The following TLK1 variants were observed in gnomAD, a reference collection of about 807,000 sequenced individuals.
TLK1 encodes the protein tousled like kinase 1, also known as serine/threonine-protein kinase tousled-like 1.
Under a neutral mutation model 105.3 loss-of-function variants are expected in TLK1, and 24 were observed. That is an observed-to-expected ratio of 0.23 (90% CI 0.17 to 0.32). The LOEUF (loss-of-function observed/expected upper bound fraction) is 0.32. Among genes scored for constraint, TLK1 ranks in the 10% least tolerant of loss-of-function variants. TLK1 has a pLI of 1.00. For missense variants in TLK1, 558 were observed against 910.5 expected, an observed-to-expected ratio of 0.61 and a Z score of 4.98; for synonymous variants, 321 against 310.4, an observed-to-expected ratio of 1.03 and a Z score of -0.36.
intron 3 of TLK1, 67 bp from the exon 4 acceptor site, chr2:171,061,223 T>C: frequency 6.5e-7 from 1 of 1,537,988 alleles, no homozygotes; most frequent in African/African-American, 1.4e-5. Flanking sequence ...ACAGTCAACA[T>C]AAAACCATGT....
At chr2:171,013,464 C>G (rs1685028281) in intron 13 of TLK1, among the ~76,000 whole-genome samples, 1 of 151,480 alleles carries the variant, frequency 6.6e-6, no homozygotes, top group Non-Finnish European at 1.5e-5. Flanking sequence ...TGCCACCATT[C>G]CCTGCTAAGT....
At chr2:171,110,925 CG>C (rs780716893) in intron 2 of TLK1, among the ~76,000 whole-genome samples, 7 of 152,050 alleles carry the variant, frequency 4.6e-5, no homozygotes, top group South Asian at 2.1e-4. Context: ...ATAAGAGCTA[CG>C]CATTTTACTG....
chr2:170,994,854 G>T (rs976635893), intron 20 of TLK1: 10 of 348,914 alleles, frequency 2.9e-5, no homozygotes, highest in East Asian at 7.5e-5. Flanking sequence ...ATCCTTTTTT[G>T]GGGGGGGAGG....
chr2:171,084,197 TA>T (rs2105479316), intron 2 of TLK1, among the ~76,000 whole-genome samples: 1 of 152,174 alleles, frequency 6.6e-6, no homozygotes, highest in African/African-American at 2.4e-5. Flanking sequence ...AAAAGACACC[TA>T]AAACAGCCAA....
chr2:171,171,344 A>G (rs748378361), intron 1 of TLK1, among the ~76,000 whole-genome samples: 1 of 151,646 alleles, frequency 6.6e-6, no homozygotes, highest in Non-Finnish European at 1.5e-5. Context: ...ACACAGTGAG[A>G]CCCTGTCTGG....
chr2:170,998,913 C>T (rs1032525258), intron 18 of TLK1, among the ~76,000 whole-genome samples: 4 of 152,138 alleles, frequency 2.6e-5, no homozygotes, highest in African/African-American at 9.7e-5. Flanking sequence ...GGACTACAGA[C>T]GTGCACCAGC....
rs1051888249 is a variant in TLK1 at position 170,991,680 on chromosome 2, A to T, written c.*2100T>A. ...AGTGATCTCTAGGTCTATACTACTT[A>T]ACTTACTGAACCTCAAAGTTAGATT... On this transcript the variant is annotated 3_prime_UTR_variant, in exon 21 of 21. Transcript: ENST00000431350. 1 of 152,222 alleles carries T rather than the reference A, an allele frequency of 6.6e-6. No individual in the cohort carries two copies. The highest frequency in any genetic ancestry group is 6.5e-5 in the Admixed American group (1 of 15,282). The allele number at this position is 152,222 out of a possible 1,614,324, so 9.4% of individuals were successfully genotyped here. A position where few individuals can be genotyped will look rare whatever the true frequency, so the allele number is the denominator to read the frequency against.
At chr2:171,189,252 C>T (rs1480316844) in intron 1 of TLK1, among the ~76,000 whole-genome samples, 1 of 151,308 alleles carries the variant, frequency 6.6e-6, no homozygotes, top group African/African-American at 2.4e-5. Flanking sequence ...CTGCAGGCTC[C>T]ACCTCCTGGA....
At position 171,048,315 on chromosome 2, in the gene TLK1, T is replaced by C. The variant is rs1687058030; in HGVS notation, c.980+1499A>G. Among the ~76,000 whole-genome samples the C allele has an allele frequency of 2.0e-5, 3 of 152,242 alleles. No individual in the cohort carries two copies. In the South Asian group the frequency reaches 6.2e-4, roughly 32 times the overall value. Reference sequence around the variant, plus strand: ...TAGAATTTATATTTCAGAACATTCATATTAATTATATAACTGTCTCTTTTA... The same window carrying C: ...TAGAATTTATATTTCAGAACATTCACATTAATTATATAACTGTCTCTTTTA... On this transcript the variant is annotated intron_variant, in intron 10 of 20. Transcript: ENST00000431350.
chr2:171,161,111 C>T (rs1187873681), upstream of TLK1, among the ~76,000 whole-genome samples: 2 of 147,066 alleles, frequency 1.4e-5, no homozygotes, highest in East Asian at 2.0e-4. Context: ...CTGCCGCACC[C>T]GCGGATCGCC....
At chr2:171,112,485 T>G (rs542636757) in intron 2 of TLK1, among the ~76,000 whole-genome samples, 2 of 152,320 alleles carry the variant, frequency 1.3e-5, no homozygotes, top group African/African-American at 4.8e-5. Context: ...CTTCTTTAAT[T>G]TGGGCAGTTA....
chr2:171,036,218 G>A (rs1034506189), intron 11 of TLK1, among the ~76,000 whole-genome samples: 2 of 152,316 alleles, frequency 1.3e-5, no homozygotes, highest in Non-Finnish European at 2.9e-5. Context: ...GCCAAGGCGG[G>A]TGAACTGCTT....
chr2:171,047,231 G>A (rs536157573), intron 10 of TLK1, among the ~76,000 whole-genome samples: 4 of 152,264 alleles, frequency 2.6e-5, no homozygotes, highest in Middle Eastern at 3.4e-3. Context: ...TTTGAGCAGA[G>A]CATAAAGTAG....
At position 170,993,760 on chromosome 2, in the gene TLK1, AT is replaced by A; in HGVS notation, c.*19del. 6.5e-7 allele frequency: 1 copy of A among 1,528,142 alleles called. No homozygotes were observed. Among genetic ancestry groups the A allele is most frequent in the Non-Finnish European group, 8.8e-7 (1 of 1,134,624 alleles). 94.7% of individuals were successfully genotyped at this position (1,528,142 alleles called of 1,614,324 possible). ...ATCTGGAAGCAAATTCAAAGATATC[AT>A]GCCAATCTTGGAGGAAAGTCAGTAA... On this transcript the variant is annotated 3_prime_UTR_variant, in exon 21 of 21. Coordinates refer to ENST00000431350, the MANE Select transcript of TLK1 (RefSeq NM_012290.5).
intron 1 of TLK1, among the ~76,000 whole-genome samples, chr2:171,225,348 GAC>G (rs1015173443): frequency 6.6e-6 from 1 of 151,938 alleles, no homozygotes; most frequent in African/African-American, 2.4e-5. Flanking sequence ...CCCCAAAGAA[GAC>G]ACACAAATGG....
intron 11 of TLK1, among the ~76,000 whole-genome samples, chr2:171,042,889 G>C (rs145533728): frequency 1.3e-5 from 2 of 152,194 alleles, no homozygotes; most frequent in African/African-American, 4.8e-5. Context: ...GATATATGTA[G>C]GGCAAATGCT....
At chr2:171,120,575 A>T (rs931326845) in intron 1 of TLK1, among the ~76,000 whole-genome samples, 2 of 152,212 alleles carry the variant, frequency 1.3e-5, no homozygotes, top group African/African-American at 4.8e-5. Context: ...TGCAAATCAA[A>T]ATCACGGTGA....
At chr2:171,158,905 C>G (rs1450794582) in intron 1 of TLK1, among the ~76,000 whole-genome samples, 1 of 152,200 alleles carries the variant, frequency 6.6e-6, no homozygotes, top group Non-Finnish European at 1.5e-5. Context: ...TCAATGTATT[C>G]CGCATGTTTA....
chr2:171,017,795 A>T (rs925672560), intron 12 of TLK1, among the ~76,000 whole-genome samples: 33 of 152,226 alleles, frequency 2.2e-4, no homozygotes, highest in Admixed American at 1.9e-3. Context: ...GCACTAGAGA[A>T]AAAAAGATGG....
Sources: gnomAD v4.1 joint callset for allele counts (sites outside exome capture counted in the v4.1 genomes callset) on GRCh38, gnomAD v4.1.1 for gene constraint, MANE v1.5 for transcripts, NCBI Gene and HGNC (gene_info 2026-07-23, HGNC 2026-07-21) for gene names.